Variants in LPIN2 observed in about 807,000 individuals in gnomAD.
LPIN2 encodes the protein phosphatidate phosphatase LPIN2.
In LPIN2, 55 loss-of-function variants were observed where a neutral mutation model predicts 111.4. The observed-to-expected ratio is 0.49, with a 90% CI of 0.40 to 0.62. LPIN2 has a LOEUF of 0.62. LPIN2 is among the 20% of genes least tolerant of loss of function. The probability of loss-of-function intolerance (pLI) is 0.00; values close to 1 mark genes in which losing one functional copy is unlikely to be tolerated. For synonymous variants in LPIN2, 425 were observed against 414.0 expected, an observed-to-expected ratio of 1.03 and a Z score of -0.32; for missense variants, 992 against 1,112.1, an observed-to-expected ratio of 0.89 and a Z score of 1.54.
At chr18:2,958,204 A>G (rs1002993949) in intron 2 of LPIN2, among the ~76,000 whole-genome samples, 4 of 149,992 alleles carry the variant, frequency 2.7e-5, no homozygotes, top group Non-Finnish European at 1.5e-5. Context: ...TTTTATAAAT[A>G]ATCAAGTAAT....
intron 7 of LPIN2, among the ~76,000 whole-genome samples, chr18:2,937,088 T>C (rs928223863): frequency 2.0e-5 from 3 of 152,172 alleles, no homozygotes; most frequent in Non-Finnish European, 4.4e-5. Context: ...AATAAAGTGG[T>C]TAATTTTACT....
intron 7 of LPIN2, 89 bp from the exon 8 acceptor site, chr18:2,934,539 T>C (rs1295267927): frequency 3.7e-6 from 3 of 813,858 alleles, no homozygotes; most frequent in Non-Finnish European, 6.3e-6. Flanking sequence ...ACAGTAAGAG[T>C]GACAAGCAGG....
chr18:2,920,958 G>A, intron 18 of LPIN2, 77 bp from the exon 19 acceptor site: 1 of 965,190 alleles, frequency 1.0e-6, no homozygotes, highest in Non-Finnish European at 1.7e-6. Flanking sequence ...TTGTGAGCCA[G>A]AAGCACTGCA....
At chr18:2,983,136 G>C (rs953160283) in intron 1 of LPIN2, among the ~76,000 whole-genome samples, 1 of 152,104 alleles carries the variant, frequency 6.6e-6, no homozygotes, top group Non-Finnish European at 1.5e-5. Context: ...TCATTTTTTA[G>C]AAATAAAAAC....
chr18:2,984,244 G>A (rs2078154553), intron 1 of LPIN2, among the ~76,000 whole-genome samples: 1 of 152,172 alleles, frequency 6.6e-6, no homozygotes, highest in African/African-American at 2.4e-5. Flanking sequence ...CATGCAGCAT[G>A]TTTTCCTGCT....
rs773188796 is a variant in LPIN2 at position 2,925,193 on chromosome 18, T to C, written c.1938+31A>G. On this transcript the variant is annotated intron_variant, in intron 14 of 19. Transcript: ENST00000677752. The surrounding 1 kb of genome is among the most constrained non-coding windows in gnomAD (Gnocchi z 4.1). ...ATTAAACCATTACTAAAATAAGTCCTACTGGACAACACAGATCATGCAAGA... is the reference window on the plus strand; with the variant it reads ...ATTAAACCATTACTAAAATAAGTCCCACTGGACAACACAGATCATGCAAGA... The C allele has an allele frequency of 3.0e-5, 49 of 1,613,674 alleles. No homozygotes were observed. The highest frequency in any genetic ancestry group is 4.1e-5 in the Non-Finnish European group (48 of 1,179,718).
intron 5 of LPIN2, 85 bp downstream of exon 5, chr18:2,940,520 A>G (rs2077354130): frequency 1.3e-6 from 1 of 781,878 alleles, no homozygotes; most frequent in Non-Finnish European, 2.2e-6. Flanking sequence ...GAAATGGGAA[A>G]TATCATTACT....
At chr18:2,921,824 G>A (rs1467602737) in intron 17 of LPIN2, 177 bp from the exon 18 acceptor site, 1 of 775,848 alleles carries the variant, frequency 1.3e-6, no homozygotes, top group East Asian at 2.7e-5. Flanking sequence ...ATGAAGTTTA[G>A]GGAAGGAGAA....
intron 15 of LPIN2, 65 bp from the exon 16 acceptor site, chr18:2,923,926 G>T: frequency 1.5e-6 from 2 of 1,316,544 alleles, no homozygotes; most frequent in South Asian, 1.2e-5. Context: ...TTTCCTATTT[G>T]GTTGACTATC....
Position 2,945,751 on chromosome 18 carries a change from C to T in LPIN2, c.591-5039G>A, listed in dbSNP as rs878869061. 38 of 1,194,172 alleles carry T rather than the reference C, an allele frequency of 3.2e-5. No individual in the cohort carries two copies. In the South Asian group the frequency reaches 3.8e-4, roughly 12 times the overall value. The allele number at this position is 1,194,172 out of a possible 1,614,324, so 74.0% of individuals were successfully genotyped here. A position where few individuals can be genotyped will look rare whatever the true frequency, so the allele number is the denominator to read the frequency against. ...TCTCCTTCAAATACAATATGCGCATCTAACAATGTGCTATTTGCTTCTACT... is the reference window on the plus strand; with the variant it reads ...TCTCCTTCAAATACAATATGCGCATTTAACAATGTGCTATTTGCTTCTACT... On this transcript the variant is annotated intron_variant, in intron 4 of 19. Coordinates refer to ENST00000677752, the MANE Select transcript of LPIN2 (RefSeq NM_001375808.2).
chr18:2,962,520 TAAG>T (rs1258682032), intron 1 of LPIN2, among the ~76,000 whole-genome samples: 1 of 151,864 alleles, frequency 6.6e-6, no homozygotes, highest in East Asian at 1.9e-4. Context: ...ACTAAAAAAA[TAAG>T]AAACATAAAA....
At chr18:2,944,866 T>C (rs1298457770) in intron 4 of LPIN2, among the ~76,000 whole-genome samples, 3 of 152,206 alleles carry the variant, frequency 2.0e-5, no homozygotes, top group Non-Finnish European at 4.4e-5. Flanking sequence ...TTTAATCAAA[T>C]TGATACCTCT....
At chr18:2,948,615 C>G (rs1207358331) in intron 4 of LPIN2, among the ~76,000 whole-genome samples, 1 of 152,084 alleles carries the variant, frequency 6.6e-6, no homozygotes, top group African/African-American at 2.4e-5. Flanking sequence ...CTTCAGTGCT[C>G]TTTTTGGTAG....
At chr18:2,999,119 C>A (rs535995058) in intron 1 of LPIN2, among the ~76,000 whole-genome samples, 1 of 152,334 alleles carries the variant, frequency 6.6e-6, no homozygotes, top group East Asian at 1.9e-4. Context: ...CATGTGTTAT[C>A]CCCACTCTCA....
intron 1 of LPIN2, among the ~76,000 whole-genome samples, chr18:3,004,758 T>C (rs16944193): frequency 0.12 from 18,327 of 152,172 alleles, 1,340 homozygotes; most frequent in East Asian, 0.32. Context: ...AATATTTAGG[T>C]TGTTTTAGGG....
chr18:2,917,043 T>TCAAA lies in LPIN2; in HGVS notation c.*3246_*3249dup, dbSNP rs758308221. 7 of 152,246 alleles carry TCAAA rather than the reference T, an allele frequency of 4.6e-5. No homozygotes were observed. Among genetic ancestry groups the TCAAA allele is most frequent in the African/African-American group, 7.2e-5 (3 of 41,474 alleles). The allele number at this position is 152,246 out of a possible 1,614,324, so 9.4% of individuals were successfully genotyped here. ...TTGTTGTAACATTTTGTTTTGAACA[T>TCAAA]CAAACACTGCACCAAAATATTAGCC... On this transcript the variant is annotated 3_prime_UTR_variant, in exon 20 of 20. Coordinates refer to ENST00000677752, the MANE Select transcript of LPIN2 (RefSeq NM_001375808.2).
intron 1 of LPIN2, among the ~76,000 whole-genome samples, chr18:2,979,745 C>G (rs569596525): frequency 1.5e-4 from 23 of 152,306 alleles, no homozygotes; most frequent in South Asian, 6.2e-4. Flanking sequence ...ACTACTCCCC[C>G]CCAAATTCCT....
chr18:2,920,487 C>A lies in LPIN2; in HGVS notation c.2547-50G>T. ...CACAGGCTATTACTTCAAGATCGGT[C>A]AAAGGCACAAGATGGGGGGCTGTGA... On this transcript the variant is annotated intron_variant, in intron 19 of 19. Transcript: ENST00000677752. The A allele has an allele frequency of 3.7e-6, 6 of 1,604,224 alleles. No homozygotes were observed. In the South Asian group the frequency reaches 5.5e-5, roughly 15 times the overall value.
In LPIN2 at chr18:2,938,318, G is replaced by C. The variant is rs1352953650; in HGVS notation, c.823-281C>G. Among the ~76,000 whole-genome samples, 5 of 152,174 alleles carry C rather than the reference G, an allele frequency of 3.3e-5. No individual in the cohort carries two copies. In the East Asian group the frequency reaches 9.6e-4, roughly 29 times the overall value. On this transcript the variant is annotated intron_variant, in intron 6 of 19. Coordinates refer to ENST00000677752, the MANE Select transcript of LPIN2 (RefSeq NM_001375808.2). ...GTGGGCAGATCACTTGAGGTCAGGAGTTCGAGATTAGCCTGGCCAACAGGA... is the reference window on the plus strand; with the variant it reads ...GTGGGCAGATCACTTGAGGTCAGGACTTCGAGATTAGCCTGGCCAACAGGA...
Sources: gnomAD v4.1 joint callset for allele counts (sites outside exome capture counted in the v4.1 genomes callset) on GRCh38, gnomAD v4.1.1 for gene constraint, Gnocchi (gnomAD v3.1) non-coding constraint, MANE v1.5 for transcripts, NCBI Gene and HGNC (gene_info 2026-07-23, HGNC 2026-07-21) for gene names.